Variants in PIEZO1 observed in about 807,000 individuals in gnomAD.
The protein encoded by PIEZO1 is piezo type mechanosensitive ion channel component 1 (Er blood group).
In PIEZO1, 296 loss-of-function variants were observed where a neutral mutation model predicts 297.2. The observed-to-expected ratio is 1.00, with a 90% CI of 0.91 to 1.10. The LOEUF is 1.10. Among genes scored for constraint, PIEZO1 ranks in the 50% least tolerant of loss-of-function variants. The pLI is 0.00. For synonymous variants in PIEZO1, 2,427 were observed against 1,507.5 expected (o/e 1.61, Z -14.13); for missense variants, 5,018 against 3,455.5 (o/e 1.45, Z -11.34).
rs757172898 is a variant in PIEZO1 at position 88,722,845 on chromosome 16, G to A, written c.4660C>T (p.Leu1554Phe). ...TGCACGGGCAGGCTCACCTGCAGGA[G>A]CTCCTGTGTGAGGAGGTAGCGCTCT... ...RAERYLLTQE[L>F]LQGGEVHRGV... The change falls in exon 34 of 51, where the codon CTC (leucine) becomes TTC (phenylalanine). Residue 1554 changes from leucine to phenylalanine, a missense_variant. Transcript: ENST00000301015. 2 of 1,546,198 alleles carry A rather than the reference G, an allele frequency of 1.3e-6. No homozygotes were observed. The highest frequency in any genetic ancestry group is 1.2e-5 in the South Asian group (1 of 84,034).
chr16:88,766,672 T>G (rs1284210623), intron 1 of PIEZO1, among the ~76,000 whole-genome samples: 4 of 152,052 alleles, frequency 2.6e-5, no homozygotes, highest in African/African-American at 9.7e-5. Flanking sequence ...CCACACATAC[T>G]CTGGAAATTC....
At chr16:88,728,445 C>T (rs955880479) in intron 22 of PIEZO1, among the ~76,000 whole-genome samples, 5 of 150,360 alleles carry the variant, frequency 3.3e-5, no homozygotes, top group Non-Finnish European at 6.0e-5. Context: ...GCCCCATCTG[C>T]CACAGAGGGA....
chr16:88,734,258 G>T, intron 16 of PIEZO1, 98 bp downstream of exon 16: 1 of 1,260,066 alleles, frequency 7.9e-7, no homozygotes, highest in Non-Finnish European at 1.1e-6. Flanking sequence ...GGGATCTGAA[G>T]GTGGAAGATG....
At chr16:88,776,472 C>A (rs1907670877) in intron 1 of PIEZO1, among the ~76,000 whole-genome samples, 1 of 151,702 alleles carries the variant, frequency 6.6e-6, no homozygotes, top group African/African-American at 2.4e-5. Flanking sequence ...GGGCCAGGAC[C>A]TGGTGGCTCA....
intron 1 of PIEZO1, among the ~76,000 whole-genome samples, chr16:88,754,784 G>C (rs1004925352): frequency 2.6e-5 from 4 of 152,226 alleles, no homozygotes; most frequent in Non-Finnish European, 5.9e-5. Context: ...CCGAGAGCAG[G>C]ACGTGGTGCA....
rs779314125 is a variant in PIEZO1 at position 88,715,563 on chromosome 16, C to T, written c.*42G>A. ...TGCCGCCCCTTGTGGCCACGCTGCC[C>T]AGCAGGCCGGCTCCTTCCCTCTCGG... On this transcript the variant is annotated 3_prime_UTR_variant, in exon 51 of 51. Transcript: ENST00000301015. 22 of 1,534,312 alleles carry T rather than the reference C, an allele frequency of 1.4e-5. No homozygotes were observed. In the African/African-American group the frequency reaches 2.6e-4, roughly 18 times the overall value.
At chr16:88,784,828 T>A (rs1451172397) in intron 1 of PIEZO1, 73 bp downstream of exon 1, 5 of 1,114,722 alleles carry the variant, frequency 4.5e-6, no homozygotes, top group Non-Finnish European at 4.8e-6. Flanking sequence ...GCCGGCGTCG[T>A]CCGGTGTCCA....
intron 30 of PIEZO1, among the ~76,000 whole-genome samples, chr16:88,724,548 G>C (rs943502394): frequency 2.1e-5 from 3 of 139,806 alleles, no homozygotes; most frequent in African/African-American, 5.4e-5. Flanking sequence ...AAAAAAAAAA[G>C]GCCTGGAGTG....
At position 88,737,803 on chromosome 16, in the gene PIEZO1, C is replaced by A; in HGVS notation, c.1032G>T (p.Ala344=). 2 of 1,535,836 alleles carry A rather than the reference C, an allele frequency of 1.3e-6. No homozygotes were observed. The highest frequency in any genetic ancestry group is 1.7e-6 in the Non-Finnish European group (2 of 1,146,724). ...GCTCCCGAGCCTCATACCCCTTTGC[C>A]GCCTCCTTCCTCTGCAGAGACCAGC... ...AYRPSGQRKE[A]AKGYEARELE... is the part of the protein sequence containing the mutation. The change falls in exon 9 of 51, where the codon GCG becomes GCT. Residue 344 remains alanine (A), a synonymous_variant. Transcript: ENST00000301015.
At chr16:88,718,835 G>C (rs989953581) in intron 44 of PIEZO1, 3 of 153,656 alleles carry the variant, frequency 2.0e-5, no homozygotes, top group East Asian at 1.9e-4. Context: ...AGCCTCCAGA[G>C]TAGCTGGGAG....
At chr16:88,748,712 C>T (rs1906202044) in intron 2 of PIEZO1, among the ~76,000 whole-genome samples, 1 of 152,184 alleles carries the variant, frequency 6.6e-6, no homozygotes, top group Non-Finnish European at 1.5e-5. Context: ...TCGCCCCTCA[C>T]AGCCCCTGCA....
Position 88,721,288 on chromosome 16 carries a change from C to T in PIEZO1, c.5546G>A (p.Gly1849Glu). 6.5e-7 allele frequency: 1 copy of T among 1,544,964 alleles called. No individual in the cohort carries two copies. Among genetic ancestry groups the T allele is most frequent in the Non-Finnish European group, 8.7e-7 (1 of 1,146,662 alleles). ...EDHIQVEARV[G>E]PTDGTPEPQV... ...GGGTTCTGGGGTCCCGTCCGTGGGTCCGACCCTGGCTTCCACCTGAATGTG... is the reference window on the plus strand; with the variant it reads ...GGGTTCTGGGGTCCCGTCCGTGGGTTCGACCCTGGCTTCCACCTGAATGTG... The change falls in exon 39 of 51, where the codon GGA becomes GAA. Residue 1849 changes from glycine (G) to glutamate (E), a missense_variant. Gly to Glu is a moderately conservative substitution (Grantham distance 98). Transcript: ENST00000301015.
chr16:88,723,652 G>A lies in PIEZO1; in HGVS notation c.4335+219C>T, dbSNP rs555804685. ...GCAGCCACCAGAACCTGGGTGGTCA[G>A]AGCCAAGACCGTGGGGCAGCAGGCT... is the stretch of plus-strand genomic sequence containing the variant. On this transcript the variant is annotated intron_variant, in intron 31 of 50. Transcript: ENST00000301015. Among the ~76,000 whole-genome samples, 4 of 152,398 alleles carry A rather than the reference G, an allele frequency of 2.6e-5. No homozygotes were observed. The East Asian group carries it at 5.8e-4, about 22-fold the overall frequency.
chr16:88,778,714 C>T (rs533607280), intron 1 of PIEZO1, among the ~76,000 whole-genome samples: 44 of 152,212 alleles, frequency 2.9e-4, no homozygotes, highest in Admixed American at 2.0e-4. Context: ...TGCAACCCAG[C>T]GTCCACCGTG....
intron 12 of PIEZO1, 141 bp downstream of exon 12, chr16:88,736,007 C>T: frequency 4.8e-6 from 4 of 828,354 alleles, no homozygotes; most frequent in South Asian, 3.6e-5. Flanking sequence ...TGGGCTGGCT[C>T]TGGGTGGGCA....
In PIEZO1 at chr16:88,733,367, T is replaced by C. The variant is rs1013241979; in HGVS notation, c.2575A>G (p.Thr859Ala). The change falls in exon 19 of 51, where the codon ACC becomes GCC. Residue 859 changes from threonine (T) to alanine (A), a missense_variant. Coordinates refer to ENST00000301015, the MANE Select transcript of PIEZO1 (RefSeq NM_001142864.4). ...ACGATGATGACGCAGGTCCACACGG[T>C]GGACAGGCAGGAGGCCATGGGCCGG... Reference protein sequence around the residue: ...RFRPMASCLSTVWTCVIIVCK... With the variant: ...RFRPMASCLSAVWTCVIIVCK... 3 of 1,550,128 alleles carry C rather than the reference T, an allele frequency of 1.9e-6. No homozygotes were observed. The highest frequency in any genetic ancestry group is 2.6e-6 in the Non-Finnish European group (3 of 1,146,828).
chr16:88,738,385 G>A lies in PIEZO1; in HGVS notation c.690C>T (p.Leu230=), dbSNP rs774523922. ...GAAAGTGGCAGGCCCACCAGGTGCAGAGGGCCAGGAAGAGCAGCAGGTAGA... is the reference window on the plus strand; with the variant it reads ...GAAAGTGGCAGGCCCACCAGGTGCAAAGGGCCAGGAAGAGCAGCAGGTAGA... ...SSVYLLLFLA[L]CTWWACHFPI... Residue 230 remains leucine, a synonymous_variant, in exon 7 of 51, where the codon CTC becomes CTT. Transcript: ENST00000301015. The A allele has an allele frequency of 7.2e-6, 11 of 1,535,756 alleles. No homozygotes were observed. The highest frequency in any genetic ancestry group is 2.0e-5 in the Admixed American group (1 of 50,990).
chr16:88,726,702 G>A lies in PIEZO1; in HGVS notation c.3699+13C>T. 25 of 1,403,614 alleles carry A rather than the reference G, an allele frequency of 1.8e-5. No homozygotes were observed. Among genetic ancestry groups the A allele is most frequent in the East Asian group, 2.5e-5 (1 of 40,562 alleles). 86.9% of individuals were successfully genotyped at this position (1,403,614 alleles called of 1,614,324 possible). A position where few individuals can be genotyped will look rare whatever the true frequency, so the allele number is the denominator to read the frequency against. On this transcript the variant is annotated intron_variant, in intron 25 of 50. Transcript: ENST00000301015. ...GCCCCAGGGCGGTGGGTGCGGGGGG[G>A]CCGGAGGCTCACCGACAGCATGTTC...
chr16:88,768,177 G>A (rs1437309461), intron 1 of PIEZO1, among the ~76,000 whole-genome samples: 2 of 152,254 alleles, frequency 1.3e-5, no homozygotes, highest in South Asian at 2.1e-4. Flanking sequence ...GCTGCCAGCT[G>A]GTGGGGCAAG....
Sources: gnomAD v4.1 joint callset for allele counts (sites outside exome capture counted in the v4.1 genomes callset) on GRCh38, gnomAD v4.1.1 for gene constraint, MANE v1.5 for transcripts, NCBI Gene and HGNC (gene_info 2026-07-23, HGNC 2026-07-21) for gene names.